Variants in DLGAP3 observed in about 807,000 individuals in gnomAD.
DLGAP3 encodes the protein DLG associated protein 3, also known as disks large-associated protein 3.
DLGAP3 carries 17 observed loss-of-function variants against 81.2 expected under a neutral mutation model. The ratio of observed to expected loss-of-function variants is 0.21; its 90% confidence interval spans 0.14 to 0.31. DLGAP3 has a LOEUF of 0.31. Ranked by LOEUF, DLGAP3 falls within the 10% of genes least tolerant of loss-of-function variation. DLGAP3 has a pLI of 1.00. For missense variants in DLGAP3, 1,124 were observed against 1,388.0 expected (o/e 0.81, Z 3.02); for synonymous variants, 577 against 587.4 (o/e 0.98, Z 0.26).
intron 5 of DLGAP3, among the ~76,000 whole-genome samples, chr1:34,897,626 G>A (rs1226346123): frequency 2.6e-5 from 4 of 152,192 alleles, no homozygotes; most frequent in Non-Finnish European, 2.9e-5. Context: ...TCTGAGCAAC[G>A]TGAGGGTTTT....
Position 34,895,384 on chromosome 1 carries a change from AAAT to A in DLGAP3, c.1386+4282_1386+4284del, listed in dbSNP as rs1037831807. ...CTGTCTCAAAAAAAAAAAAAAATTA[AAAT>A]AATAATAATAATAAGTAAAATAAAT... On this transcript the variant is annotated intron_variant, in intron 5 of 11. Transcript: ENST00000373347. This position sits in a 1 kb window ranked among gnomAD's most constrained non-coding sequence, Gnocchi z 4.5. 6.6e-6 allele frequency among the ~76,000 whole-genome samples: 1 copy of A among 151,284 alleles called. No individual in the cohort carries two copies. The highest frequency in any genetic ancestry group is 6.6e-5 in the Admixed American group (1 of 15,204).
chr1:34,917,115 A>C (rs1639730882), intron 1 of DLGAP3, among the ~76,000 whole-genome samples: 1 of 152,022 alleles, frequency 6.6e-6, no homozygotes, highest in Non-Finnish European at 1.5e-5. Context: ...CATCTCTGTC[A>C]TCTCTTCCTC....
rs752240624 is a variant in DLGAP3 at position 34,886,079 on chromosome 1, G to A, written c.1593C>T (p.Pro531=). Residue 531 remains proline (P), a synonymous_variant, in exon 6 of 12, where the codon CCC becomes CCT. Transcript: ENST00000373347. ...LATPAAVSGR[P]GSSFNFRKAP... The stretch of plus-strand genomic sequence containing the variant: ...GCAGGAAGGTGTACTCACAGGAGCC[G>A]GGCCTCCCTGAGACAGCGGCAGGGG... 22 of 1,601,956 alleles carry A rather than the reference G, an allele frequency of 1.4e-5. No individual in the cohort carries two copies. Among genetic ancestry groups the A allele is most frequent in the Non-Finnish European group, 1.8e-5 (21 of 1,175,780 alleles).
chr1:34,910,122 T>A (rs777251796), intron 1 of DLGAP3, among the ~76,000 whole-genome samples: 3 of 152,224 alleles, frequency 2.0e-5, no homozygotes, highest in Non-Finnish European at 4.4e-5. Flanking sequence ...ACAAAAGGCC[T>A]AGAGAACTGC....
At chr1:34,925,189 C>G (rs950390574) in intron 1 of DLGAP3, among the ~76,000 whole-genome samples, 2 of 151,922 alleles carry the variant, frequency 1.3e-5, no homozygotes, top group African/African-American at 4.8e-5. Context: ...GACAACCCCC[C>G]CCCCACCTTC....
At chr1:34,885,330 C>A in intron 7 of DLGAP3, 148 bp downstream of exon 7, 1 of 926,394 alleles carries the variant, frequency 1.1e-6, no homozygotes, top group Admixed American at 2.1e-5. Context: ...GCTGGAGCAG[C>A]CCCGTCGATG....
At chr1:34,907,470 G>A (rs1242079330) in intron 1 of DLGAP3, 33 bp from the exon 2 acceptor site, 2 of 152,568 alleles carry the variant, frequency 1.3e-5, no homozygotes, top group African/African-American at 4.8e-5. Flanking sequence ...TAAGCAAAAG[G>A]GGAGAGACGT....
At chr1:34,870,107 T>C (rs185782501) in intron 8 of DLGAP3, among the ~76,000 whole-genome samples, 1 of 152,330 alleles carries the variant, frequency 6.6e-6, no homozygotes, top group Admixed American at 6.5e-5. Context: ...ATTAAGTTGT[T>C]TGCAGGAATG....
Position 34,929,389 on chromosome 1 carries a change from T to G in DLGAP3, c.-135+62A>C, listed in dbSNP as rs2148424086. On this transcript the variant is annotated intron_variant, in intron 1 of 11. Coordinates refer to ENST00000373347, the MANE Select transcript of DLGAP3 (RefSeq NM_001080418.3). This position sits in a 1 kb window ranked among gnomAD's most constrained non-coding sequence, Gnocchi z 6.5. ...GCCGGGGCCGCAGCCGGGCCGTGCCTGGGGGGCGCTGCAGAGGGAGCCGCG... is the reference window on the plus strand; with the variant it reads ...GCCGGGGCCGCAGCCGGGCCGTGCCGGGGGGGCGCTGCAGAGGGAGCCGCG... 1 of 147,718 alleles carries G rather than the reference T, an allele frequency of 6.8e-6. No homozygotes were observed. Among genetic ancestry groups the G allele is most frequent in the Middle Eastern group, 3.5e-3 (1 of 288 alleles). The allele number at this position is 147,718 out of a possible 1,614,324, so 9.2% of individuals were successfully genotyped here.
chr1:34,901,368 A>T (rs796613690), intron 3 of DLGAP3, among the ~76,000 whole-genome samples: 6 of 152,304 alleles, frequency 3.9e-5, no homozygotes, highest in African/African-American at 1.4e-4. Flanking sequence ...TGTCATAGAA[A>T]CAGGAGACAT....
chr1:34,865,946 C>A lies in DLGAP3; in HGVS notation c.*137G>T. Reference sequence around the variant, plus strand: ...AGGTAAAAAACCCACGAGAGTGTGACGGGCCCGGGGGCCGGGGCGTCCGGT... The same window carrying A: ...AGGTAAAAAACCCACGAGAGTGTGAAGGGCCCGGGGGCCGGGGCGTCCGGT... On this transcript the variant is annotated 3_prime_UTR_variant, in exon 12 of 12. Transcript: ENST00000373347. 2 of 782,650 alleles carry A rather than the reference C, an allele frequency of 2.6e-6. No homozygotes were observed. The highest frequency in any genetic ancestry group is 2.8e-5 in the East Asian group (1 of 36,014). The allele number at this position is 782,650 out of a possible 1,614,324, so 48.5% of individuals were successfully genotyped here.
Position 34,908,657 on chromosome 1 carries a change from C to A in DLGAP3, c.-134-1220G>T, listed in dbSNP as rs374779629. Among the ~76,000 whole-genome samples the A allele has an allele frequency of 3.3e-5, 5 of 152,294 alleles. No individual in the cohort carries two copies. In the East Asian group the frequency reaches 5.8e-4, roughly 18 times the overall value. On this transcript the variant is annotated intron_variant, in intron 1 of 11. Coordinates refer to ENST00000373347, the MANE Select transcript of DLGAP3 (RefSeq NM_001080418.3). ...GTGATTAATAGTAGTGGAAGAGGCA[C>A]AGTCAGACATCAGGAAGAACTTCCT...
At position 34,904,532 on chromosome 1, in the gene DLGAP3, A is replaced by G. The variant is rs1189494159; in HGVS notation, c.852T>C (p.Gly284=). Residue 284 remains glycine, a synonymous_variant, in exon 3 of 12, where the codon GGT becomes GGC. Transcript: ENST00000373347. The surrounding 1 kb of genome is among the most constrained non-coding windows in gnomAD (Gnocchi z 8.1). ...CTGGACCCTCCAGGCAGAAGGGACC[A>G]CCAGGCTCCCCAGGGGGCCTCCCAC... ...LAGGRPPGEP[G]GPFCLEGPDG... 4 of 1,614,180 alleles carry G rather than the reference A, an allele frequency of 2.5e-6. No individual in the cohort carries two copies. The highest frequency in any genetic ancestry group is 1.3e-5 in the African/African-American group (1 of 75,072).
At chr1:34,912,687 T>C (rs964256651) in intron 1 of DLGAP3, among the ~76,000 whole-genome samples, 8 of 152,302 alleles carry the variant, frequency 5.3e-5, no homozygotes, top group Middle Eastern at 6.8e-3. Flanking sequence ...GCCATGTGTG[T>C]CCCTGGGATC....
At chr1:34,886,943 CTTTTTTTTTTTTTTTT>C (rs949966445) in intron 5 of DLGAP3, among the ~76,000 whole-genome samples, 11 of 64,310 alleles carry the variant, frequency 1.7e-4, no homozygotes, top group Admixed American at 8.5e-4. Flanking sequence ...CCCCCACCTT[CTTTTTTTTTTTTTTTT>C]TTTTTTTTTT....
In DLGAP3 at chr1:34,908,996, C is replaced by A. The variant is rs117636451; in HGVS notation, c.-134-1559G>T. On this transcript the variant is annotated intron_variant, in intron 1 of 11. Coordinates refer to ENST00000373347, the MANE Select transcript of DLGAP3 (RefSeq NM_001080418.3). Reference sequence around the variant, plus strand: ...TGGAAAGAAGACAGAAAGCCTGGTCCTTCATCCATGTCATTCTCTTCCCTC... The same window carrying A: ...TGGAAAGAAGACAGAAAGCCTGGTCATTCATCCATGTCATTCTCTTCCCTC... Among the ~76,000 whole-genome samples, 33 of 152,360 alleles carry A rather than the reference C, an allele frequency of 2.2e-4. 1 individual carries two copies. The East Asian group carries it at 6.0e-3, about 28-fold the overall frequency.
rs527755670 is a variant in DLGAP3, at chr1:34,865,911, G to A, written c.*172C>T. The A allele has an allele frequency of 4.1e-4, 292 of 706,876 alleles. 1 individual carries two copies. In the East Asian group the frequency reaches 7.9e-3, roughly 19 times the overall value. The allele number at this position is 706,876 out of a possible 1,614,324, so 43.8% of individuals were successfully genotyped here. ...CTGCCCAGCCCGGGCGCCTTCGCGT[G>A]GGATCAGGAAGGTAAAAAACCCACG... On this transcript the variant is annotated 3_prime_UTR_variant, in exon 12 of 12. Transcript: ENST00000373347.
At chr1:34,880,180 A>G (rs1209846625) in intron 8 of DLGAP3, among the ~76,000 whole-genome samples, 1 of 152,086 alleles carries the variant, frequency 6.6e-6, no homozygotes, top group African/African-American at 2.4e-5. Flanking sequence ...CAGCTTCCCC[A>G]GGAGCTGGAA....
chr1:34,918,712 A>T (rs1426836686), intron 1 of DLGAP3, among the ~76,000 whole-genome samples: 1 of 152,156 alleles, frequency 6.6e-6, no homozygotes, highest in Non-Finnish European at 1.5e-5. Flanking sequence ...GTAAGGAGAG[A>T]GGGAGACGCC....
Sources: allele counts gnomAD v4.1 joint callset (sites outside exome capture counted in the v4.1 genomes callset), GRCh38; gene constraint gnomAD v4.1.1; non-coding constraint Gnocchi (gnomAD v3.1); transcripts MANE v1.5; gene names NCBI Gene and HGNC (gene_info 2026-07-23, HGNC 2026-07-21).